The following PABPC4L variants were observed in gnomAD, a reference collection of about 807,000 sequenced individuals.
PABPC4L encodes polyadenylate-binding protein 4-like.
For missense variants in PABPC4L, 452 were observed against 451.4 expected (o/e 1.00, Z -0.01); for synonymous variants, 169 against 164.1 (o/e 1.03, Z -0.23).
At chr4:134,187,189 C>A in the PABPC4L span, among the ~76,000 whole-genome samples, 1 of 151,984 alleles carries the variant, frequency 6.6e-6, no homozygotes, top group Admixed American at 6.6e-5. Context: ...CATCCCATTA[C>A]GGGACATATA....
the PABPC4L span, among the ~76,000 whole-genome samples, chr4:134,139,697 A>AT: frequency 9.1e-6 from 1 of 110,384 alleles, no homozygotes; most frequent in East Asian, 1.3e-3. Flanking sequence ...TTATTTTTTT[A>AT]CTTTTTTTTT....
chr4:134,166,952 C>A, the PABPC4L span, among the ~76,000 whole-genome samples: 2 of 152,140 alleles, frequency 1.3e-5, no homozygotes, highest in African/African-American at 4.8e-5. Flanking sequence ...ATCATCTGTC[C>A]TGTCTAACTT....
chr4:133,992,164 A>G, the PABPC4L span, among the ~76,000 whole-genome samples: 98 of 152,330 alleles, frequency 6.4e-4, no homozygotes, highest in Middle Eastern at 0.014. Flanking sequence ...AATTGTGATC[A>G]AAGCCACGAT....
the PABPC4L span, among the ~76,000 whole-genome samples, chr4:134,132,424 A>G: frequency 6.6e-6 from 1 of 152,070 alleles, no homozygotes; most frequent in Non-Finnish European, 1.5e-5. Flanking sequence ...AAAATTTTCA[A>G]AAGAAGATGA....
At chr4:134,170,087 G>A in the PABPC4L span, among the ~76,000 whole-genome samples, 2 of 152,072 alleles carry the variant, frequency 1.3e-5, no homozygotes, top group East Asian at 3.9e-4. Flanking sequence ...GTAGAACTGT[G>A]TCCATGTGAA....
chr4:134,121,657 G>A, the PABPC4L span, among the ~76,000 whole-genome samples: 265 of 151,716 alleles, frequency 1.7e-3, 4 homozygotes, highest in Non-Finnish European at 4.3e-4. Flanking sequence ...ACAATTCAAT[G>A]ATCCTGTTGA....
chr4:134,069,373 G>A, the PABPC4L span, among the ~76,000 whole-genome samples: 2 of 152,224 alleles, frequency 1.3e-5, no homozygotes, highest in South Asian at 4.1e-4. Context: ...GATCTCTTTA[G>A]CAAGGCTGGG....
chr4:134,072,319 A>T, the PABPC4L span, among the ~76,000 whole-genome samples: 1 of 152,270 alleles, frequency 6.6e-6, no homozygotes, highest in African/African-American at 2.4e-5. Context: ...GTCAACAATG[A>T]GTCACATGAT....
At chr4:134,194,426 T>C (rs1198940713), downstream of PABPC4L, among the ~76,000 whole-genome samples, 2 of 151,786 alleles carry the variant, frequency 1.3e-5, no homozygotes, top group African/African-American at 2.4e-5. Context: ...AACCTCTACC[T>C]TTCTCGGTCA....
the PABPC4L span, among the ~76,000 whole-genome samples, chr4:134,100,216 G>T: frequency 5.3e-5 from 8 of 151,480 alleles, no homozygotes; most frequent in Non-Finnish European, 1.2e-4. Context: ...TAAGAGCATC[G>T]AACAACTTTA....
At chr4:134,126,975 G>C in the PABPC4L span, among the ~76,000 whole-genome samples, 4 of 152,076 alleles carry the variant, frequency 2.6e-5, no homozygotes, top group East Asian at 3.9e-4. Flanking sequence ...GCTGAGAGCC[G>C]TATGGGCGCA....
chr4:133,996,874 C>G, the PABPC4L span, among the ~76,000 whole-genome samples: 1 of 152,220 alleles, frequency 6.6e-6, no homozygotes, highest in East Asian at 1.9e-4. Context: ...TTGTCGACCC[C>G]CTAGTAGAGA....
the PABPC4L span, among the ~76,000 whole-genome samples, chr4:133,964,312 T>C: frequency 6.8e-6 from 1 of 148,006 alleles, no homozygotes; most frequent in East Asian, 2.1e-4. Flanking sequence ...AGCAGTGAGA[T>C]TGAAAATGGT....
chr4:134,054,079 CTT>C, the PABPC4L span, among the ~76,000 whole-genome samples: 1 of 151,318 alleles, frequency 6.6e-6, no homozygotes, highest in Non-Finnish European at 1.5e-5. Context: ...ATTAATGAGA[CTT>C]AATACTAGAC....
At chr4:134,092,910 C>T in the PABPC4L span, among the ~76,000 whole-genome samples, 4 of 152,060 alleles carry the variant, frequency 2.6e-5, no homozygotes, top group Admixed American at 1.3e-4. Flanking sequence ...TCACAACTCT[C>T]TTATTTTTTT....
the PABPC4L span, among the ~76,000 whole-genome samples, chr4:134,096,774 A>T: frequency 6.6e-6 from 1 of 151,984 alleles, no homozygotes; most frequent in Non-Finnish European, 1.5e-5. Context: ...AATATCATGA[A>T]AATATGTTAT....
At chr4:134,095,794 A>G in the PABPC4L span, among the ~76,000 whole-genome samples, 1 of 151,782 alleles carries the variant, frequency 6.6e-6, no homozygotes, top group Non-Finnish European at 1.5e-5. Context: ...AAGGTTTTCC[A>G]TTTGCTCTTT....
the PABPC4L span, among the ~76,000 whole-genome samples, chr4:134,164,492 G>T: frequency 6.6e-6 from 1 of 151,980 alleles, no homozygotes; most frequent in Admixed American, 6.6e-5. Context: ...CAGCAACCAA[G>T]CTGAGAATCA....
At chr4:134,146,176 G>A in the PABPC4L span, among the ~76,000 whole-genome samples, 3 of 151,664 alleles carry the variant, frequency 2.0e-5, no homozygotes, top group Non-Finnish European at 4.4e-5. Context: ...TTGGCTTTGT[G>A]TATCATTTAT....
Sources: allele counts gnomAD v4.1 joint callset (sites outside exome capture counted in the v4.1 genomes callset), GRCh38; gene constraint gnomAD v4.1.1; transcripts MANE v1.5; gene names NCBI Gene and HGNC (gene_info 2026-07-23, HGNC 2026-07-21).